Variants in TPCN1 observed in about 807,000 individuals in gnomAD.
The protein encoded by TPCN1 is two pore segment channel 1.
In TPCN1, 52 loss-of-function variants were observed where a neutral mutation model predicts 108.8. That is an observed-to-expected ratio of 0.48 (90% CI 0.38 to 0.60). The LOEUF (loss-of-function observed/expected upper bound fraction) is 0.60. TPCN1 is among the 20% of genes least tolerant of loss of function. The pLI is 0.00. For synonymous variants in TPCN1, 446 were observed against 433.7 expected (o/e 1.03, Z -0.35); for missense variants, 806 against 1,072.8 (o/e 0.75, Z 3.47).
Position 113,273,593 on chromosome 12 carries a change from C to T in TPCN1, c.867C>T (p.Ser289=), listed in dbSNP as rs774197124. Reference sequence around the variant, plus strand: ...GTTTCCCAGATGTGATGATGCCCTCCTACTCCCGGAACCCCTGGTCCTGCG... The same window carrying T: ...GTTTCCCAGATGTGATGATGCCCTCTTACTCCCGGAACCCCTGGTCCTGCG... ...TANFPDVMMP[S]YSRNPWSCVF... The change falls in exon 10 of 28, where the codon TCC becomes TCT. Residue 289 remains serine (S), a synonymous_variant. Transcript: ENST00000335509. This position sits in a 1 kb window ranked among gnomAD's most constrained non-coding sequence, Gnocchi z 4.0. The T allele has an allele frequency of 1.9e-6, 3 of 1,614,056 alleles. No individual in the cohort carries two copies. Among genetic ancestry groups the T allele is most frequent in the East Asian group, 4.5e-5 (2 of 44,900 alleles).
chr12:113,254,053 T>C (rs1276931192), intron 2 of TPCN1, among the ~76,000 whole-genome samples: 2 of 152,106 alleles, frequency 1.3e-5, no homozygotes, highest in Non-Finnish European at 2.9e-5. Context: ...TCAGCCCTTA[T>C]AGCTGTGTGA....
intron 13 of TPCN1, 92 bp from the exon 14 acceptor site, chr12:113,278,680 G>T: frequency 9.9e-7 from 1 of 1,005,398 alleles, no homozygotes; most frequent in East Asian, 2.4e-5. Flanking sequence ...AGTTTAGCAG[G>T]GTGAACAGGA....
chr12:113,288,123 G>T lies in TPCN1; in HGVS notation c.1635-40G>T, dbSNP rs538128313. The T allele has an allele frequency of 3.8e-6, 6 of 1,578,020 alleles. No individual in the cohort carries two copies. The highest frequency in any genetic ancestry group is 4.5e-5 in the East Asian group (2 of 44,556). ...GTTCTGAGGGCGGGGGCTGAGGCGT[G>T]CACCTGTGTGTGGAGGTGACGGGTG... On this transcript the variant is annotated intron_variant, in intron 19 of 27. Coordinates refer to ENST00000335509, the MANE Select transcript of TPCN1 (RefSeq NM_017901.6). This position sits in a 1 kb window ranked among gnomAD's most constrained non-coding sequence, Gnocchi z 4.8.
intron 4 of TPCN1, 104 bp from the exon 5 acceptor site, chr12:113,267,739 G>A: frequency 1.3e-6 from 1 of 741,702 alleles, no homozygotes. Flanking sequence ...GATATGTGTT[G>A]GGAGGATGTC....
chr12:113,278,638 A>G (rs1955755867), intron 13 of TPCN1, 134 bp from the exon 14 acceptor site: 2 of 696,094 alleles, frequency 2.9e-6, no homozygotes, highest in Admixed American at 2.5e-5. Context: ...CTGTGTTGTC[A>G]TGTAGATCCC....
intron 1 of TPCN1, among the ~76,000 whole-genome samples, chr12:113,225,573 T>G (rs1281470767): frequency 6.6e-6 from 1 of 152,144 alleles, no homozygotes; most frequent in Non-Finnish European, 1.5e-5. Flanking sequence ...TTTATTTTAT[T>G]TTTTTGAGAC....
chr12:113,290,299 C>T, intron 22 of TPCN1, 56 bp downstream of exon 22: 2 of 1,231,592 alleles, frequency 1.6e-6, no homozygotes, highest in Admixed American at 2.0e-5. Flanking sequence ...CCTTGTCACC[C>T]TTGTCACCAC....
chr12:113,291,577 C>T (rs748233175), intron 23 of TPCN1, 32 bp from the exon 24 acceptor site: 8 of 1,601,032 alleles, frequency 5.0e-6, no homozygotes, highest in East Asian at 2.2e-5. Context: ...TGCATGGGCA[C>T]CCCCTCACTG....
chr12:113,276,962 G>C lies in TPCN1; in HGVS notation c.986G>C (p.Arg329Pro), dbSNP rs772280051. The change falls in exon 11 of 28, where the codon CGC (arginine) becomes CCC (proline). Residue 329 changes from arginine to proline, a missense_variant. Coordinates refer to ENST00000335509, the MANE Select transcript of TPCN1 (RefSeq NM_017901.6). ...GACACCTTCAATGACATTGAGAAACGCAAGTTCAAGTCTTTGCTACTGCAC... is the reference window on the plus strand; with the variant it reads ...GACACCTTCAATGACATTGAGAAACCCAAGTTCAAGTCTTTGCTACTGCAC... ...VFDTFNDIEK[R>P]KFKSLLLHKR... 1 of 1,614,026 alleles carries C rather than the reference G, an allele frequency of 6.2e-7. No individual in the cohort carries two copies. Among genetic ancestry groups the C allele is most frequent in the Non-Finnish European group, 8.5e-7 (1 of 1,180,002 alleles).
At chr12:113,259,915 A>T (rs1293502440) in intron 2 of TPCN1, among the ~76,000 whole-genome samples, 4 of 152,218 alleles carry the variant, frequency 2.6e-5, no homozygotes, top group Non-Finnish European at 5.9e-5. Context: ...ACCAGGGGAC[A>T]AATCCAGTTG....
chr12:113,257,469 C>T (rs928474012), intron 2 of TPCN1, among the ~76,000 whole-genome samples: 5 of 146,702 alleles, frequency 3.4e-5, no homozygotes, highest in Admixed American at 6.9e-5. Context: ...CCAGCCTGGG[C>T]GACAGAGTGA....
chr12:113,244,039 C>G (rs78708223), intron 2 of TPCN1, among the ~76,000 whole-genome samples: 4,767 of 152,312 alleles, frequency 0.031, 213 homozygotes, highest in East Asian at 0.15. Context: ...TAGAACTGCT[C>G]TCCGCTTCCT....
rs774231937 is a variant in TPCN1, at chr12:113,288,368, A to G, written c.1706+134A>G. 3 of 1,512,636 alleles carry G rather than the reference A, an allele frequency of 2.0e-6. No individual in the cohort carries two copies. Among genetic ancestry groups the G allele is most frequent in the East Asian group, 2.5e-5 (1 of 40,606 alleles). The allele number at this position is 1,512,636 out of a possible 1,614,324, so 93.7% of individuals were successfully genotyped here. ...CAATCGAGGGCCTGACGGGGCTCCA[A>G]GGAGCCTGGAATCTTGACCACCACA... On this transcript the variant is annotated intron_variant, in intron 20 of 27. Transcript: ENST00000335509. The surrounding 1 kb of genome is among the most constrained non-coding windows in gnomAD (Gnocchi z 4.8).
intron 2 of TPCN1, among the ~76,000 whole-genome samples, chr12:113,253,509 A>G (rs1352768282): frequency 6.6e-6 from 1 of 152,130 alleles, no homozygotes; most frequent in African/African-American, 2.4e-5. Flanking sequence ...TGGAGGATCT[A>G]TTTTTGAGAT....
At position 113,288,702 on chromosome 12, in the gene TPCN1, A is replaced by G. The variant is rs1956171432; in HGVS notation, c.1707-56A>G. On this transcript the variant is annotated intron_variant, in intron 20 of 27. Coordinates refer to ENST00000335509, the MANE Select transcript of TPCN1 (RefSeq NM_017901.6). This position sits in a 1 kb window ranked among gnomAD's most constrained non-coding sequence, Gnocchi z 4.8. ...ACGGGTCCGAGGAGGCCGGGGCTGCAGAGGAGCCGTTCCCTCCTGCCGGCC... is the reference window on the plus strand; with the variant it reads ...ACGGGTCCGAGGAGGCCGGGGCTGCGGAGGAGCCGTTCCCTCCTGCCGGCC... 31 of 1,601,434 alleles carry G rather than the reference A, an allele frequency of 1.9e-5. No homozygotes were observed. In the South Asian group the frequency reaches 3.1e-4, roughly 16 times the overall value.
At chr12:113,236,132 T>C (rs1953883834) in intron 2 of TPCN1, among the ~76,000 whole-genome samples, 2 of 152,172 alleles carry the variant, frequency 1.3e-5, no homozygotes, top group African/African-American at 4.8e-5. Flanking sequence ...CAGGGTAGTG[T>C]CTGAACATTC....
chr12:113,292,181 G>A (rs1566207375), intron 25 of TPCN1: 1 of 529,626 alleles, frequency 1.9e-6, no homozygotes, highest in East Asian at 3.2e-5. Flanking sequence ...GACAGAGCAT[G>A]TCATAGTTGG....
rs1484089702 is a variant in TPCN1 at position 113,293,249 on chromosome 12, C to T, written c.2254-20C>T. On this transcript the variant is annotated intron_variant, in intron 26 of 27. Transcript: ENST00000335509. ...CCTGAATATCTGCAGCCGAGCCCTG[C>T]AGCCTCTGCTCTTCCTTAGCAACAT... is the stretch of plus-strand genomic sequence containing the variant. The T allele has an allele frequency of 1.2e-6, 2 of 1,613,250 alleles. No homozygotes were observed. Among genetic ancestry groups the T allele is most frequent in the Non-Finnish European group, 1.7e-6 (2 of 1,179,396 alleles).
chr12:113,273,237 C>G lies in TPCN1; in HGVS notation c.789C>G (p.Phe263Leu). The G allele has an allele frequency of 6.2e-7, 1 of 1,614,242 alleles. No individual in the cohort carries two copies. Among genetic ancestry groups the G allele is most frequent in the Non-Finnish European group, 8.5e-7 (1 of 1,180,034 alleles). The part of the protein sequence containing the change: ...LFSPNPSDPY[F>L]STLENSIVSL... ...TGCCCTCTCTTCCCTTGCAGTACTT[C>G]AGCACCCTGGAGAACAGCATCGTCA... The change falls in exon 9 of 28, where the codon TTC becomes TTG. Residue 263 changes from phenylalanine to leucine, a missense_variant. Coordinates refer to ENST00000335509, the MANE Select transcript of TPCN1 (RefSeq NM_017901.6). This position sits in a 1 kb window ranked among gnomAD's most constrained non-coding sequence, Gnocchi z 4.0.
Sources: allele counts gnomAD v4.1 joint callset (sites outside exome capture counted in the v4.1 genomes callset), GRCh38; gene constraint gnomAD v4.1.1; non-coding constraint Gnocchi (gnomAD v3.1); transcripts MANE v1.5; gene names NCBI Gene and HGNC (gene_info 2026-07-23, HGNC 2026-07-21).